Variants in RAD51B observed in about 807,000 individuals in gnomAD.
The protein encoded by RAD51B is DNA repair protein RAD51 homolog 2.
Under a neutral mutation model 42.2 loss-of-function variants are expected in RAD51B, and 38 were observed. That is an observed-to-expected ratio of 0.90 (90% CI 0.70 to 1.18). The LOEUF (loss-of-function observed/expected upper bound fraction) is 1.18. Among genes scored for constraint, RAD51B ranks in the 50% most tolerant of loss-of-function variants. The pLI, the probability that RAD51B is intolerant of heterozygous loss-of-function variation, is 0.00. For missense variants in RAD51B, 373 were observed against 400.7 expected (o/e 0.93, Z 0.59); for synonymous variants, 154 against 145.2 (o/e 1.06, Z -0.43).
chr14:68,163,122 G>C (rs912723408), intron 7 of RAD51B, among the ~76,000 whole-genome samples: 34 of 152,316 alleles, frequency 2.2e-4, no homozygotes, highest in African/African-American at 7.7e-4. Context: ...TCAAACCACA[G>C]ATAATATTCT....
At chr14:68,064,834 T>A (rs1432736596) in intron 7 of RAD51B, among the ~76,000 whole-genome samples, 1 of 152,214 alleles carries the variant, frequency 6.6e-6, no homozygotes, top group Non-Finnish European at 1.5e-5. Context: ...CTTTTTATTA[T>A]GTCTATCCCT....
At chr14:68,278,318 GA>G (rs2081262125) in intron 7 of RAD51B, among the ~76,000 whole-genome samples, 1 of 152,188 alleles carries the variant, frequency 6.6e-6, no homozygotes, top group African/African-American at 2.4e-5. Flanking sequence ...CTATTTGAAA[GA>G]AGGGATTTTG....
At chr14:68,060,782 A>G (rs541421706) in intron 7 of RAD51B, among the ~76,000 whole-genome samples, 2 of 152,324 alleles carry the variant, frequency 1.3e-5, no homozygotes, top group African/African-American at 4.8e-5. Context: ...AGCATTTCCT[A>G]TTGAAGGTTA....
intron 9 of RAD51B, among the ~76,000 whole-genome samples, chr14:68,430,943 G>C (rs1286245170): frequency 6.6e-6 from 1 of 152,110 alleles, no homozygotes; most frequent in African/African-American, 2.4e-5. Context: ...CTAATTTATT[G>C]AGAGTTTTTA....
At chr14:68,254,102 T>C (rs2080701055) in intron 7 of RAD51B, among the ~76,000 whole-genome samples, 1 of 152,216 alleles carries the variant, frequency 6.6e-6, no homozygotes, top group Non-Finnish European at 1.5e-5. Flanking sequence ...GGACTTGCCT[T>C]CTCTAAGAAG....
intron 7 of RAD51B, among the ~76,000 whole-genome samples, chr14:68,197,097 C>A (rs1409024761): frequency 6.6e-6 from 1 of 152,086 alleles, no homozygotes; most frequent in African/African-American, 2.4e-5. Flanking sequence ...AGATATTATT[C>A]TTTTATTGAG....
chr14:68,464,722 GA>G (rs768269861), intron 9 of RAD51B, among the ~76,000 whole-genome samples: 1 of 152,200 alleles, frequency 6.6e-6, no homozygotes, highest in Non-Finnish European at 1.5e-5. Flanking sequence ...GCTGAAATCA[GA>G]TATTTTTTAT....
At chr14:68,001,870 C>G (rs1185640724) in intron 7 of RAD51B, among the ~76,000 whole-genome samples, 2 of 152,194 alleles carry the variant, frequency 1.3e-5, no homozygotes, top group African/African-American at 4.8e-5. Context: ...CTGCAAAGGA[C>G]ATGGTCTCAA....
intron 7 of RAD51B, among the ~76,000 whole-genome samples, chr14:68,269,390 G>C (rs986576332): frequency 3.9e-5 from 6 of 152,176 alleles, no homozygotes; most frequent in African/African-American, 1.4e-4. Context: ...AGTAATTCCA[G>C]CCATGCTGAT....
At chr14:68,629,045 G>A (rs886132709) in intron 10 of RAD51B, among the ~76,000 whole-genome samples, 1 of 152,174 alleles carries the variant, frequency 6.6e-6, no homozygotes. Flanking sequence ...GACGGCTGCA[G>A]GAAGGCCATC....
chr14:68,219,838 T>C (rs901638788), intron 7 of RAD51B, among the ~76,000 whole-genome samples: 1 of 152,064 alleles, frequency 6.6e-6, no homozygotes, highest in Non-Finnish European at 1.5e-5. Flanking sequence ...CAAGGTGAAA[T>C]CTCTGAATTG....
chr14:68,027,167 C>G (rs1166477981), intron 7 of RAD51B, among the ~76,000 whole-genome samples: 1 of 152,020 alleles, frequency 6.6e-6, no homozygotes, highest in African/African-American at 2.4e-5. Flanking sequence ...GATAGTAGGT[C>G]TTCACTCTCT....
At chr14:67,825,832 C>T (rs751670332) in intron 3 of RAD51B, among the ~76,000 whole-genome samples, 3 of 152,020 alleles carry the variant, frequency 2.0e-5, no homozygotes, top group African/African-American at 4.8e-5. Context: ...TGGGTTCAAG[C>T]GATTCTCCTG....
intron 8 of RAD51B, among the ~76,000 whole-genome samples, chr14:68,354,275 G>A (rs1362531592): frequency 6.8e-6 from 1 of 146,918 alleles, no homozygotes; most frequent in East Asian, 2.0e-4. Context: ...GGAGTGCAAG[G>A]GCACGATTTC....
intron 7 of RAD51B, chr14:67,908,679 T>TA (rs2043862834): frequency 6.6e-6 from 1 of 152,124 alleles, no homozygotes; most frequent in Admixed American, 6.5e-5. Flanking sequence ...AGCAGACACC[T>TA]ATGTTTGGTG....
intron 5 of RAD51B, among the ~76,000 whole-genome samples, chr14:67,866,521 A>C (rs2042340464): frequency 6.6e-6 from 1 of 152,250 alleles, no homozygotes; most frequent in Non-Finnish European, 1.5e-5. Context: ...GATTATTTTT[A>C]TAACAGCAGT....
intron 10 of RAD51B, among the ~76,000 whole-genome samples, chr14:68,629,272 G>A (rs1316488827): frequency 6.6e-6 from 1 of 152,222 alleles, no homozygotes; most frequent in Non-Finnish European, 1.5e-5. Context: ...CTACCAGGTA[G>A]CTTTCCTTCC....
intron 11 of RAD51B, among the ~76,000 whole-genome samples, chr14:68,673,842 T>C (rs1893236895): frequency 1.3e-5 from 2 of 151,362 alleles, no homozygotes; most frequent in East Asian, 3.9e-4. Flanking sequence ...CATACACATA[T>C]GTACATGCAC....
At chr14:67,930,196 T>G (rs2044676386) in intron 7 of RAD51B, among the ~76,000 whole-genome samples, 1 of 152,204 alleles carries the variant, frequency 6.6e-6, no homozygotes, top group South Asian at 2.1e-4. Flanking sequence ...TATTCAAGGT[T>G]ATTATTGAGG....
Sources: allele counts gnomAD v4.1 joint callset (sites outside exome capture counted in the v4.1 genomes callset), GRCh38; gene constraint gnomAD v4.1.1; transcripts MANE v1.5; gene names NCBI Gene and HGNC (gene_info 2026-07-23, HGNC 2026-07-21).